GPAM: variants seen among roughly 807,000 people sequenced by gnomAD.
GPAM encodes glycerol-3-phosphate acyltransferase, mitochondrial, also known as glycerol-3-phosphate acyltransferase 1, mitochondrial.
In GPAM, 56 loss-of-function variants were observed where a neutral mutation model predicts 105.0. The observed-to-expected ratio is 0.53, with a 90% CI of 0.43 to 0.67. GPAM has a LOEUF of 0.67. Among genes scored for constraint, GPAM ranks in the 30% least tolerant of loss-of-function variants. GPAM has a pLI of 0.00. For synonymous variants in GPAM, 368 were observed against 354.4 expected (o/e 1.04, Z -0.43); for missense variants, 855 against 989.8 (o/e 0.86, Z 1.83).
At chr10:112,180,668 A>G (rs1432343648) in intron 3 of GPAM, 73 bp from the exon 4 acceptor site, 12 of 1,370,366 alleles carry the variant, frequency 8.8e-6, no homozygotes, top group Middle Eastern at 1.9e-4. Flanking sequence ...CTCAAAATCT[A>G]AAGTATTTTG....
At chr10:112,200,271 T>G (rs1847782418) in intron 1 of GPAM, among the ~76,000 whole-genome samples, 1 of 135,364 alleles carries the variant, frequency 7.4e-6, no homozygotes, top group African/African-American at 2.8e-5. Context: ...AGAGAGAGAA[T>G]AGTTTTCCTT....
At position 112,172,191 on chromosome 10, in the gene GPAM, G is replaced by A; in HGVS notation, c.785C>T (p.Pro262Leu). 1 of 1,607,008 alleles carries A rather than the reference G, an allele frequency of 6.2e-7. No individual in the cohort carries two copies. The highest frequency in any genetic ancestry group is 8.5e-7 in the Non-Finnish European group (1 of 1,173,628). Residue 262 changes from proline (P) to leucine (L), a missense_variant, in exon 9 of 22, where the codon CCA (proline) becomes CTA (leucine). Physicochemically the swap from Pro to Leu is moderately conservative, Grantham distance 98. Transcript: ENST00000348367. Reference sequence around the variant, plus strand: ...AATAAGCTCATCTTACCTGAAGATTGGGATGTTGAGATTATTGCCTGAAGC... The same window carrying A: ...AATAAGCTCATCTTACCTGAAGATTAGGATGTTGAGATTATTGCCTGAAGC... The part of the protein sequence containing the change: ...YIASGNNLNI[P>L]IFSTLIHKLG...
upstream of GPAM, among the ~76,000 whole-genome samples, chr10:112,188,738 A>G (rs1012073317): frequency 1.3e-5 from 2 of 152,192 alleles, no homozygotes; most frequent in Non-Finnish European, 2.9e-5. Context: ...GCCATCCTAC[A>G]TATTGACCAG....
chr10:112,212,421 C>A (rs1472515720), intron 1 of GPAM, among the ~76,000 whole-genome samples: 1 of 152,098 alleles, frequency 6.6e-6, no homozygotes, highest in Non-Finnish European at 1.5e-5. Context: ...CACAACCTTG[C>A]CTGGCTAATT....
At chr10:112,188,864 C>T (rs1452797957) in intron 1 of GPAM, among the ~76,000 whole-genome samples, 2 of 152,150 alleles carry the variant, frequency 1.3e-5, no homozygotes, top group Non-Finnish European at 2.9e-5. Flanking sequence ...TTGCCCAAAT[C>T]AACCAGACAC....
At chr10:112,160,414 G>C (rs887834142) in intron 16 of GPAM, 190 bp downstream of exon 16, 1 of 891,344 alleles carries the variant, frequency 1.1e-6, no homozygotes, top group Admixed American at 6.2e-5. Context: ...CTATACAAAC[G>C]GTAATTCAGT....
At chr10:112,185,988 A>C (rs1175137499), upstream of GPAM, among the ~76,000 whole-genome samples, 1 of 152,156 alleles carries the variant, frequency 6.6e-6, no homozygotes, top group Non-Finnish European at 1.5e-5. Context: ...AATTGATGAA[A>C]ACTTTCCAAA....
In GPAM at chr10:112,172,258, T is replaced by C; in HGVS notation, c.718A>G (p.Thr240Ala). Residue 240 changes from threonine to alanine, a missense_variant, in exon 9 of 22, where the codon ACT becomes GCT. Thr to Ala is a moderately conservative substitution (Grantham distance 58, BLOSUM62 0). Transcript: ENST00000348367. ...ATGTTATGGCAGAAGAGAATGAAAG[T>C]GAGCAGCAGATAGTCAATATGGGAT... ...HRSHIDYLLL[T>A]FILFCHNIKA... is the part of the protein sequence containing the mutation. 2 of 1,609,506 alleles carry C rather than the reference T, an allele frequency of 1.2e-6. No individual in the cohort carries two copies. The highest frequency in any genetic ancestry group is 1.1e-5 in the South Asian group (1 of 90,948).
Position 112,153,867 on chromosome 10 carries a change from CTAT to C in GPAM, c.2371-204_2371-202del. Reference sequence around the variant, plus strand: ...CCAATGCAAACAAGGTTTTCTTTTTCTATTTTTTTTTTTTTGTTTTGATGGAGT... The same window carrying C: ...CCAATGCAAACAAGGTTTTCTTTTTCTTTTTTTTTTTTGTTTTGATGGAGT... On this transcript the variant is annotated intron_variant, in intron 21 of 21. Coordinates refer to ENST00000348367, the MANE Select transcript of GPAM (RefSeq NM_001244949.2). The C allele has an allele frequency of 1.8e-5, 8 of 434,602 alleles. No homozygotes were observed. The African/African-American group carries it at 3.3e-4, about 18-fold the overall frequency. The allele number at this position is 434,602 out of a possible 1,614,324, so 26.9% of individuals were successfully genotyped here.
chr10:112,155,653 C>T (rs1847003475), intron 20 of GPAM: 2 of 479,186 alleles, frequency 4.2e-6, no homozygotes, highest in Admixed American at 3.7e-5. Flanking sequence ...GTATGAATCT[C>T]AAAAATAACG....
the GPAM span, among the ~76,000 whole-genome samples, chr10:112,222,102 T>C: frequency 6.6e-6 from 1 of 152,250 alleles, no homozygotes; most frequent in African/African-American, 2.4e-5. Context: ...AAATTTGTCA[T>C]GAGTTGACAA....
At chr10:112,219,322 G>T (rs1847998723), upstream of GPAM, among the ~76,000 whole-genome samples, 1 of 152,174 alleles carries the variant, frequency 6.6e-6, no homozygotes, top group Non-Finnish European at 1.5e-5. Flanking sequence ...CTGGCCACAG[G>T]TCATGTCTGA....
At chr10:112,168,555 T>A in intron 10 of GPAM, 31 bp from the exon 11 acceptor site, 1 of 1,373,478 alleles carries the variant, frequency 7.3e-7, no homozygotes, top group Non-Finnish European at 1.0e-6. Flanking sequence ...AAAACATACA[T>A]TCAAGACCAC....
intron 1 of GPAM, among the ~76,000 whole-genome samples, chr10:112,192,515 T>C (rs1320942168): frequency 6.6e-6 from 1 of 152,018 alleles, no homozygotes; most frequent in Non-Finnish European, 1.5e-5. Flanking sequence ...GAGGCCAGGG[T>C]GTGAGCAGGG....
Position 112,161,693 on chromosome 10 carries a change from A to T in GPAM, c.1468T>A (p.Cys490Ser). The change falls in exon 15 of 22, where the codon TGC (cysteine) becomes AGC (serine). Residue 490 changes from cysteine to serine, a missense_variant. Transcript: ENST00000348367. Reference sequence around the variant, plus strand: ...TGCCTGTGTCTGTAGAGGAGCAGGCAAGCCACAATGTGTGTGGACATAATG... The same window carrying T: ...TGCCTGTGTCTGTAGAGGAGCAGGCTAGCCACAATGTGTGTGGACATAATG... ...CAIMSTHIVA[C>S]LLLYRHRQGI... 6.2e-7 allele frequency: 1 copy of T among 1,614,076 alleles called. No homozygotes were observed. The highest frequency in any genetic ancestry group is 8.5e-7 in the Non-Finnish European group (1 of 1,179,912).
Position 112,153,306 on chromosome 10 carries a change from T to C in GPAM, c.*244A>G. 7.3e-7 allele frequency: 1 copy of C among 1,364,416 alleles called. No individual in the cohort carries two copies. Among genetic ancestry groups the C allele is most frequent in the Non-Finnish European group, 9.5e-7 (1 of 1,056,500 alleles). 84.5% of individuals were successfully genotyped at this position (1,364,416 alleles called of 1,614,324 possible). ...TTTATTGAGATTTCATCTTGTAGTC[T>C]ACGGATTATGAGTTGCGAATAGAGG... On this transcript the variant is annotated 3_prime_UTR_variant, in exon 22 of 22. Coordinates refer to ENST00000348367, the MANE Select transcript of GPAM (RefSeq NM_001244949.2).
At chr10:112,165,996 GC>G (rs1305872123) in intron 12 of GPAM, among the ~76,000 whole-genome samples, 1 of 151,850 alleles carries the variant, frequency 6.6e-6, no homozygotes, top group Non-Finnish European at 1.5e-5. Context: ...CAAACACTTA[GC>G]TTTTTGTGGG....
upstream of GPAM, among the ~76,000 whole-genome samples, chr10:112,218,151 A>G (rs1417941512): frequency 6.6e-6 from 1 of 152,216 alleles, no homozygotes; most frequent in African/African-American, 2.4e-5. Flanking sequence ...CTAACAGCCT[A>G]CTGAGGGCAG....
chr10:112,167,020 T>C (rs1439105619), intron 11 of GPAM, among the ~76,000 whole-genome samples: 1 of 152,116 alleles, frequency 6.6e-6, no homozygotes, highest in African/African-American at 2.4e-5. Flanking sequence ...TAAGGCACAA[T>C]GACAGGACAT....
Sources: gnomAD v4.1 joint callset for allele counts (sites outside exome capture counted in the v4.1 genomes callset) on GRCh38, gnomAD v4.1.1 for gene constraint, MANE v1.5 for transcripts, NCBI Gene and HGNC (gene_info 2026-07-23, HGNC 2026-07-21) for gene names.